GABRG3: variants seen among roughly 807,000 people sequenced by gnomAD.
GABRG3 encodes gamma-aminobutyric acid receptor subunit gamma-3.
In GABRG3, 25 loss-of-function variants were observed where a neutral mutation model predicts 48.8. The ratio of observed to expected loss-of-function variants is 0.51; its 90% confidence interval spans 0.37 to 0.72. The LOEUF is 0.72. Ranked by LOEUF, GABRG3 falls within the 30% of genes least tolerant of loss-of-function variation. GABRG3 has a pLI of 0.00. For missense variants in GABRG3, 394 were observed against 577.9 expected (o/e 0.68, Z 3.26); for synonymous variants, 227 against 217.6 (o/e 1.04, Z -0.38).
At chr15:27,360,160 G>A (rs1009922088) in intron 5 of GABRG3, among the ~76,000 whole-genome samples, 1 of 152,140 alleles carries the variant, frequency 6.6e-6, no homozygotes, top group Non-Finnish European at 1.5e-5. Flanking sequence ...TCCAGGCCCT[G>A]CGGAGGACAG....
chr15:27,503,685 C>G (rs1890696493), intron 6 of GABRG3, among the ~76,000 whole-genome samples: 1 of 152,200 alleles, frequency 6.6e-6, no homozygotes, highest in African/African-American at 2.4e-5. Flanking sequence ...CAAATTAGCT[C>G]AAGTTGATTG....
At chr15:27,206,565 C>T (rs546954025) in intron 3 of GABRG3, among the ~76,000 whole-genome samples, 3 of 152,168 alleles carry the variant, frequency 2.0e-5, no homozygotes, top group Non-Finnish European at 2.9e-5. Flanking sequence ...TCTTTTAGGT[C>T]CATTTGATCA....
intron 2 of GABRG3, among the ~76,000 whole-genome samples, chr15:27,006,629 G>A (rs946711261): frequency 1.3e-5 from 2 of 152,280 alleles, no homozygotes; most frequent in Non-Finnish European, 1.5e-5. Context: ...GTAACCGATA[G>A]GTAGTTTTTT....
At chr15:27,458,562 A>G (rs1038486121) in intron 5 of GABRG3, among the ~76,000 whole-genome samples, 4 of 152,142 alleles carry the variant, frequency 2.6e-5, no homozygotes, top group Non-Finnish European at 5.9e-5. Context: ...GCTCCATCTC[A>G]TTATCCAGCT....
chr15:27,021,143 A>G (rs1895886194), intron 2 of GABRG3, among the ~76,000 whole-genome samples: 1 of 152,236 alleles, frequency 6.6e-6, no homozygotes, highest in South Asian at 2.1e-4. Flanking sequence ...AATGTATTAA[A>G]TTAACACGTG....
intron 6 of GABRG3, among the ~76,000 whole-genome samples, chr15:27,489,376 T>C (rs1890294685): frequency 6.6e-6 from 1 of 152,200 alleles, no homozygotes; most frequent in Non-Finnish European, 1.5e-5. Context: ...TGATTTATAA[T>C]CCTTTGGGTA....
chr15:26,976,488 C>T lies in GABRG3; in HGVS notation c.54-514C>T, dbSNP rs1894947888. Among the ~76,000 whole-genome samples, 2 of 152,182 alleles carry T rather than the reference C, an allele frequency of 1.3e-5. No homozygotes were observed. Among genetic ancestry groups the T allele is most frequent in the Non-Finnish European group, 2.9e-5 (2 of 68,040 alleles). On this transcript the variant is annotated intron_variant, in intron 1 of 9. Transcript: ENST00000615808. This position sits in a 1 kb window ranked among gnomAD's most constrained non-coding sequence, Gnocchi z 7.8. ...CACAATGCTCAAGTGCCTAGACCCCCAGATTCCCGCCTCCAAGAGAAGCAC... is the reference window on the plus strand; with the variant it reads ...CACAATGCTCAAGTGCCTAGACCCCTAGATTCCCGCCTCCAAGAGAAGCAC...
chr15:27,388,005 AGGAAGGAAAGGGAGGAGGGAGGGAG>A (rs1387381372), intron 5 of GABRG3, among the ~76,000 whole-genome samples: 5 of 109,226 alleles, frequency 4.6e-5, no homozygotes, highest in Admixed American at 1.9e-4. Context: ...GAAGGAAGGA[AGGAAGGAAAGGGAGGAGGGAGGGAG>A]GAAAGGAAGG....
chr15:27,309,294 T>TTA (rs1310041346), intron 3 of GABRG3, among the ~76,000 whole-genome samples: 64 of 147,676 alleles, frequency 4.3e-4, no homozygotes, highest in African/African-American at 1.6e-3. Flanking sequence ...ATTCTGTGTT[T>TTA]TATATATGTG....
At position 27,475,726 on chromosome 15, in the gene GABRG3, T is replaced by A. The variant is rs561679977; in HGVS notation, c.575-4924T>A. Among the ~76,000 whole-genome samples the A allele has an allele frequency of 3.3e-5, 5 of 152,054 alleles. No individual in the cohort carries two copies. In the South Asian group the frequency reaches 1.0e-3, roughly 32 times the overall value. On this transcript the variant is annotated intron_variant, in intron 5 of 9. Coordinates refer to ENST00000615808, the MANE Select transcript of GABRG3 (RefSeq NM_033223.5). ...GTGATAGTAATAATGGTAGTGGTGA[T>A]GGTGATGATGGTATTGATGATCGTG...
chr15:27,411,912 A>T (rs1887809303), intron 5 of GABRG3, among the ~76,000 whole-genome samples: 1 of 152,166 alleles, frequency 6.6e-6, no homozygotes. Context: ...AAGAAAAATA[A>T]AAGATTTTAC....
intron 3 of GABRG3, among the ~76,000 whole-genome samples, chr15:27,079,753 C>T (rs1229791850): frequency 6.6e-6 from 1 of 152,160 alleles, no homozygotes; most frequent in Non-Finnish European, 1.5e-5. Flanking sequence ...AACATACAGT[C>T]TCCAACACTG....
intron 3 of GABRG3, among the ~76,000 whole-genome samples, chr15:27,308,460 C>G (rs188640790): frequency 2.8e-5 from 4 of 144,534 alleles, no homozygotes; most frequent in Non-Finnish European, 4.5e-5. Context: ...TGCAAACATA[C>G]ATGTTTATAT....
At chr15:27,409,748 A>T (rs1887742419) in intron 5 of GABRG3, among the ~76,000 whole-genome samples, 2 of 152,156 alleles carry the variant, frequency 1.3e-5, no homozygotes, top group African/African-American at 4.8e-5. Context: ...TATGTAGAAA[A>T]ATATGTAGAA....
intron 3 of GABRG3, among the ~76,000 whole-genome samples, chr15:27,058,401 G>C (rs1049389015): frequency 4.6e-5 from 7 of 152,156 alleles, no homozygotes; most frequent in African/African-American, 1.7e-4. Flanking sequence ...TTCATTGTAA[G>C]TTTTGGAGGC....
intron 3 of GABRG3, among the ~76,000 whole-genome samples, chr15:27,052,677 C>T (rs549261391): frequency 3.7e-4 from 56 of 152,266 alleles, no homozygotes; most frequent in South Asian, 1.5e-3. Flanking sequence ...GAGCTATGCT[C>T]ATAGTTTAAA....
intron 3 of GABRG3, among the ~76,000 whole-genome samples, chr15:27,118,507 T>C (rs909506163): frequency 1.3e-5 from 2 of 152,208 alleles, no homozygotes; most frequent in African/African-American, 4.8e-5. Context: ...CATTTGTGCA[T>C]GTACTTAATA....
chr15:27,164,624 G>T (rs540879846), intron 3 of GABRG3, among the ~76,000 whole-genome samples: 1 of 152,084 alleles, frequency 6.6e-6, no homozygotes, highest in East Asian at 1.9e-4. Context: ...TGATGTATTT[G>T]TCATGACATT....
chr15:27,453,569 A>G lies in GABRG3; in HGVS notation c.575-27081A>G, dbSNP rs564918808. ...CACAGTATCCTTCAAAGGATTTTAAATGCAAAACAACACAGACTTTATTCT... is the reference window on the plus strand; with the variant it reads ...CACAGTATCCTTCAAAGGATTTTAAGTGCAAAACAACACAGACTTTATTCT... On this transcript the variant is annotated intron_variant, in intron 5 of 9. Transcript: ENST00000615808. 1.1e-4 allele frequency among the ~76,000 whole-genome samples: 17 copies of G among 152,266 alleles called. No individual in the cohort carries two copies. The East Asian group carries it at 3.1e-3, about 28-fold the overall frequency.
Sources: gnomAD v4.1 joint callset for allele counts (sites outside exome capture counted in the v4.1 genomes callset) on GRCh38, gnomAD v4.1.1 for gene constraint, Gnocchi (gnomAD v3.1) non-coding constraint, MANE v1.5 for transcripts, NCBI Gene and HGNC (gene_info 2026-07-23, HGNC 2026-07-21) for gene names.